Variants in NR6A1 observed in about 807,000 individuals in gnomAD.
NR6A1 encodes the protein nuclear receptor subfamily 6 group A member 1.
In NR6A1, 7 loss-of-function variants were observed where a neutral mutation model predicts 59.1. The ratio of observed to expected loss-of-function variants is 0.12; its 90% CI spans 0.07 to 0.22. NR6A1 has a LOEUF of 0.22. NR6A1 is among the 10% of genes least tolerant of loss of function. The pLI, the probability that NR6A1 is intolerant of heterozygous loss-of-function variation, is 1.00. For missense variants in NR6A1, 468 were observed against 611.6 expected (o/e 0.77, Z 2.48); for synonymous variants, 243 against 236.1 (o/e 1.03, Z -0.27).
intron 2 of NR6A1, among the ~76,000 whole-genome samples, chr9:124,560,854 C>T (rs1372102501): frequency 6.6e-6 from 1 of 152,176 alleles, no homozygotes; most frequent in Non-Finnish European, 1.5e-5. Context: ...AGTCACTGTG[C>T]TTGCCCCAAA....
At chr9:124,537,531 T>C (rs1833305405) in intron 6 of NR6A1, among the ~76,000 whole-genome samples, 1 of 152,186 alleles carries the variant, frequency 6.6e-6, no homozygotes. Flanking sequence ...AAATCGTTTA[T>C]GCTCTAGGCC....
intron 2 of NR6A1, chr9:124,595,801 C>A: frequency 7.8e-7 from 1 of 1,289,750 alleles, no homozygotes; most frequent in East Asian, 5.5e-5. Context: ...AGTTCTATTG[C>A]AGCCATGAAG....
intron 7 of NR6A1, among the ~76,000 whole-genome samples, chr9:124,527,820 C>G (rs1588637880): frequency 1.3e-5 from 2 of 152,158 alleles, no homozygotes; most frequent in Admixed American, 6.5e-5. Context: ...TAGGCCACCC[C>G]AGGGGATTAA....
chr9:124,678,480 T>C (rs1336887152), intron 2 of NR6A1, among the ~76,000 whole-genome samples: 2 of 152,160 alleles, frequency 1.3e-5, no homozygotes, highest in African/African-American at 4.8e-5. Context: ...TGGAGAACAA[T>C]GGAGTGAGAC....
chr9:124,729,945 TG>T (rs1321439013), intron 2 of NR6A1, among the ~76,000 whole-genome samples: 16 of 152,232 alleles, frequency 1.1e-4, no homozygotes, highest in African/African-American at 3.9e-4. Context: ...CCCGAGTAGC[TG>T]GGATTACAGG....
At chr9:124,562,241 T>C (rs145718242) in intron 2 of NR6A1, among the ~76,000 whole-genome samples, 6 of 152,328 alleles carry the variant, frequency 3.9e-5, no homozygotes, top group African/African-American at 1.2e-4. Flanking sequence ...GCCACAAATA[T>C]AATATCAGGC....
At chr9:124,688,184 G>T (rs1196584822) in intron 2 of NR6A1, among the ~76,000 whole-genome samples, 1 of 152,034 alleles carries the variant, frequency 6.6e-6, no homozygotes, top group Non-Finnish European at 1.5e-5. Flanking sequence ...AATCAGCCAG[G>T]CATGGTGGCA....
chr9:124,618,415 G>A (rs1216596324), intron 2 of NR6A1, among the ~76,000 whole-genome samples: 3 of 152,068 alleles, frequency 2.0e-5, no homozygotes, highest in Admixed American at 1.3e-4. Context: ...CCCGGGAGGC[G>A]GAGGTTGCAT....
At chr9:124,698,994 GA>G (rs1266411887) in intron 2 of NR6A1, among the ~76,000 whole-genome samples, 6 of 152,150 alleles carry the variant, frequency 3.9e-5, no homozygotes, top group Non-Finnish European at 7.4e-5. Context: ...GAAATCGCTT[GA>G]AATACAAGAG....
intron 2 of NR6A1, among the ~76,000 whole-genome samples, chr9:124,691,374 T>A (rs544077706): frequency 6.6e-6 from 1 of 152,364 alleles, no homozygotes; most frequent in South Asian, 2.1e-4. Flanking sequence ...CCAGTCAGCC[T>A]TTAGTATTTA....
At chr9:124,616,069 T>C (rs1447666566) in intron 2 of NR6A1, among the ~76,000 whole-genome samples, 1 of 151,936 alleles carries the variant, frequency 6.6e-6, no homozygotes, top group Admixed American at 6.6e-5. Context: ...TAAAACTTGT[T>C]GGCAGCTCAT....
At chr9:124,548,862 C>T (rs1014616558) in intron 3 of NR6A1, among the ~76,000 whole-genome samples, 3 of 152,114 alleles carry the variant, frequency 2.0e-5, no homozygotes, top group Non-Finnish European at 2.9e-5. Context: ...CCACCCGCCA[C>T]GAAGCTGACT....
Position 124,535,988 on chromosome 9 carries a change from C to G in NR6A1, c.969G>C (p.Thr323=). ...IKDYTCLLSS[T]WQELILLSSL... ...AAGACAGCAGGATTAGCTCCTGCCA[C>G]GTAGAGCTCAAGAGGCACGTGTAAT... Residue 323 remains threonine, a synonymous_variant, in exon 7 of 10, where the codon ACG becomes ACC. Coordinates refer to ENST00000487099, the MANE Select transcript of NR6A1 (RefSeq NM_033334.4). 1.9e-6 allele frequency: 3 copies of G among 1,614,172 alleles called. No homozygotes were observed. The highest frequency in any genetic ancestry group is 2.5e-6 in the Non-Finnish European group (3 of 1,180,042).
At position 124,660,212 on chromosome 9, in the gene NR6A1, T is replaced by C. The variant is rs137922751; in HGVS notation, c.142+73096A>G. ...CTTAGCATTTTCCCAAACTTACACA[T>C]TATCAACAGAAACACTAAAAATTAA... is the stretch of plus-strand genomic sequence containing the variant. On this transcript the variant is annotated intron_variant, in intron 2 of 9. Transcript: ENST00000487099. 6.7e-3 allele frequency among the ~76,000 whole-genome samples: 1,019 copies of C among 152,302 alleles called. 5 individuals carry two copies. The highest frequency in any genetic ancestry group is 0.023 in the African/African-American group (967 of 41,564).
In NR6A1 at chr9:124,537,070, A is replaced by AT. The variant is rs111541971; in HGVS notation, c.825-939dup. On this transcript the variant is annotated intron_variant, in intron 6 of 9. Coordinates refer to ENST00000487099, the MANE Select transcript of NR6A1 (RefSeq NM_033334.4). ...CTTTTCCTCACACTCCCACATCTAA[A>AT]TTTTTTTTTTTTTTTTTTTTGAGAC... Among the ~76,000 whole-genome samples the AT allele has an allele frequency of 6.3e-3, 863 of 136,608 alleles. 4 individuals are homozygous for AT. The highest frequency in any genetic ancestry group is 0.013 in the East Asian group (63 of 4,766). The allele number at this position is 136,608 out of a possible 152,430, so 89.6% of individuals were successfully genotyped here. A position where few individuals can be genotyped will look rare whatever the true frequency, so the allele number is the denominator to read the frequency against.
chr9:124,616,678 C>A (rs1835904257), intron 2 of NR6A1, among the ~76,000 whole-genome samples: 1 of 152,036 alleles, frequency 6.6e-6, no homozygotes, highest in Non-Finnish European at 1.5e-5. Flanking sequence ...AGGAAAAAGA[C>A]AAGCAAACCA....
intron 1 of NR6A1, among the ~76,000 whole-genome samples, chr9:124,734,299 T>G (rs1405104803): frequency 6.6e-6 from 1 of 152,248 alleles, no homozygotes; most frequent in Non-Finnish European, 1.5e-5. Flanking sequence ...GGATCCGACC[T>G]GCCTTGTTTT....
At chr9:124,621,638 A>G (rs1836080767) in intron 2 of NR6A1, among the ~76,000 whole-genome samples, 1 of 152,114 alleles carries the variant, frequency 6.6e-6, no homozygotes, top group African/African-American at 2.4e-5. Context: ...TGGGTGACAG[A>G]GTAAGACCTT....
At chr9:124,725,896 T>C (rs1343248223) in intron 2 of NR6A1, among the ~76,000 whole-genome samples, 4 of 152,230 alleles carry the variant, frequency 2.6e-5, no homozygotes, top group African/African-American at 9.6e-5. Flanking sequence ...CATTATTTAA[T>C]GATCAAAGTA....
Sources: gnomAD v4.1 joint callset for allele counts (sites outside exome capture counted in the v4.1 genomes callset) on GRCh38, gnomAD v4.1.1 for gene constraint, MANE v1.5 for transcripts, NCBI Gene and HGNC (gene_info 2026-07-23, HGNC 2026-07-21) for gene names.